The following DLG2 variants were observed in gnomAD, a reference collection of about 807,000 sequenced individuals.
DLG2 encodes discs large MAGUK scaffold protein 2.
A neutral mutation model predicts 132.5 loss-of-function variants in DLG2; 45 were observed. The observed-to-expected ratio is 0.34, with a 90% CI of 0.27 to 0.44. DLG2 has a LOEUF of 0.44. Among genes scored for constraint, DLG2 ranks in the 20% least tolerant of loss-of-function variants. The pLI is 1.00. For missense variants in DLG2, 1,045 were observed against 1,196.9 expected (o/e 0.87, Z 1.87); for synonymous variants, 424 against 419.6 (o/e 1.01, Z -0.13).
At chr11:85,578,964 A>G (rs2078336577) in intron 3 of DLG2, among the ~76,000 whole-genome samples, 1 of 152,220 alleles carries the variant, frequency 6.6e-6, no homozygotes, top group Non-Finnish European at 1.5e-5. Context: ...CACAATAGGA[A>G]AGATATGGAA....
At chr11:84,400,932 C>T (rs1000888179) in intron 7 of DLG2, among the ~76,000 whole-genome samples, 3 of 152,154 alleles carry the variant, frequency 2.0e-5, no homozygotes, top group Admixed American at 6.5e-5. Flanking sequence ...GCATCATCGT[C>T]ATCATCACCA....
At chr11:84,655,312 A>C (rs1338012276) in intron 6 of DLG2, among the ~76,000 whole-genome samples, 1 of 152,174 alleles carries the variant, frequency 6.6e-6, no homozygotes, top group Non-Finnish European at 1.5e-5. Flanking sequence ...GAGCGGCAAA[A>C]GCCTCAAGAG....
intron 6 of DLG2, among the ~76,000 whole-genome samples, chr11:84,734,172 A>T (rs2063522320): frequency 6.6e-6 from 1 of 152,146 alleles, no homozygotes; most frequent in Non-Finnish European, 1.5e-5. Context: ...CAATTCTGTG[A>T]AGAAAGTCAT....
chr11:85,330,837 T>A (rs1046189839), intron 3 of DLG2, among the ~76,000 whole-genome samples: 5 of 151,520 alleles, frequency 3.3e-5, no homozygotes, highest in African/African-American at 4.8e-5. Context: ...GATGTAAATT[T>A]TTTTATTTCT....
In DLG2 at chr11:84,130,600, T is replaced by C. The variant is rs147903930; in HGVS notation, c.625-31553A>G. ...ATAGACACACACACACACACACACA[T>C]ATAAAAATCTGTATATGATCGTTCT... On this transcript the variant is annotated intron_variant, in intron 9 of 27. Transcript: ENST00000376104. Among the ~76,000 whole-genome samples the C allele has an allele frequency of 6.0e-5, 9 of 149,742 alleles. 1 individual carries two copies. In the East Asian group the frequency reaches 9.8e-4, roughly 16 times the overall value.
intron 18 of DLG2, chr11:83,651,430 T>C (rs375448177): frequency 4.4e-5 from 7 of 157,542 alleles, no homozygotes; most frequent in African/African-American, 1.7e-4. Flanking sequence ...AAACTGTCCA[T>C]TCTTCTCATA....
chr11:85,056,444 T>G (rs1475922403), intron 6 of DLG2, among the ~76,000 whole-genome samples: 2 of 151,928 alleles, frequency 1.3e-5, no homozygotes, highest in African/African-American at 4.8e-5. Flanking sequence ...CCAGAAGAAA[T>G]GTTAATTAAT....
intron 6 of DLG2, among the ~76,000 whole-genome samples, chr11:84,760,578 T>C (rs1254605204): frequency 6.6e-6 from 1 of 152,252 alleles, no homozygotes; most frequent in Non-Finnish European, 1.5e-5. Context: ...CATAGTGAGT[T>C]AGCAGCGGCC....
intron 21 of DLG2, among the ~76,000 whole-genome samples, chr11:83,501,852 T>C (rs2094463989): frequency 1.3e-5 from 2 of 152,208 alleles, no homozygotes; most frequent in African/African-American, 4.8e-5. Flanking sequence ...CTGACTATCC[T>C]GATCCTTTCC....
chr11:83,706,576 G>C (rs1178276226), intron 18 of DLG2, among the ~76,000 whole-genome samples: 1 of 152,208 alleles, frequency 6.6e-6, no homozygotes, highest in Non-Finnish European at 1.5e-5. Flanking sequence ...TTTGAGCAGT[G>C]ATCCTGAGAA....
chr11:84,941,884 T>C (rs1023108355), intron 6 of DLG2, among the ~76,000 whole-genome samples: 2 of 152,172 alleles, frequency 1.3e-5, no homozygotes, highest in Non-Finnish European at 2.9e-5. Context: ...GGGCTTTTCC[T>C]TGCTGGGAGA....
intron 6 of DLG2, among the ~76,000 whole-genome samples, chr11:84,541,058 G>A (rs1354441056): frequency 2.0e-5 from 3 of 152,036 alleles, no homozygotes; most frequent in African/African-American, 7.3e-5. Flanking sequence ...GAGGGAGAGG[G>A]GAGGGATAGC....
At chr11:84,077,310 C>T (rs2096842473) in intron 10 of DLG2, among the ~76,000 whole-genome samples, 1 of 152,162 alleles carries the variant, frequency 6.6e-6, no homozygotes, top group African/African-American at 2.4e-5. Flanking sequence ...GAGAAATGGT[C>T]CTACTAAATT....
At chr11:84,273,065 T>A in intron 7 of DLG2, 1 of 1,164,610 alleles carries the variant, frequency 8.6e-7, no homozygotes, top group Non-Finnish European at 1.1e-6. Context: ...TGCACAGAAT[T>A]TATACATTTC....
At chr11:85,401,662 T>G (rs1248645187) in intron 3 of DLG2, among the ~76,000 whole-genome samples, 3 of 152,128 alleles carry the variant, frequency 2.0e-5, no homozygotes, top group Non-Finnish European at 4.4e-5. Flanking sequence ...AAAATCAATG[T>G]GCAAAAATCA....
intron 3 of DLG2, among the ~76,000 whole-genome samples, chr11:85,430,725 C>A (rs1431591158): frequency 2.0e-5 from 3 of 151,922 alleles, no homozygotes; most frequent in Admixed American, 1.3e-4. Flanking sequence ...TTCTGGGCAA[C>A]TTTCACAGAT....
chr11:84,739,241 T>C (rs2153820970), intron 6 of DLG2, among the ~76,000 whole-genome samples: 1 of 152,330 alleles, frequency 6.6e-6, no homozygotes, highest in East Asian at 1.9e-4. Context: ...CTTAGGTGGT[T>C]TAAAACTCAA....
intron 7 of DLG2, among the ~76,000 whole-genome samples, chr11:84,398,077 G>A (rs1330922605): frequency 6.6e-6 from 1 of 152,204 alleles, no homozygotes. Context: ...GTTATTTAAA[G>A]CAGCTTAGTT....
chr11:85,543,146 T>C (rs1438247413), intron 3 of DLG2, among the ~76,000 whole-genome samples: 2 of 152,076 alleles, frequency 1.3e-5, no homozygotes, highest in Non-Finnish European at 2.9e-5. Flanking sequence ...TAGGCCCCCA[T>C]CCTCAACAGG....
Sources: gnomAD v4.1 joint callset for allele counts (sites outside exome capture counted in the v4.1 genomes callset) on GRCh38, gnomAD v4.1.1 for gene constraint, MANE v1.5 for transcripts, NCBI Gene and HGNC (gene_info 2026-07-23, HGNC 2026-07-21) for gene names.